PSMA6: variants seen among roughly 807,000 people sequenced by gnomAD.
PSMA6 encodes proteasome subunit alpha type-6.
For synonymous variants in PSMA6, 88 were observed against 97.7 expected (o/e 0.90, Z 0.59); for missense variants, 170 against 294.8 (o/e 0.58, Z 3.10).
At chr14:35,288,446 C>T (rs534656301), upstream of PSMA6, among the ~76,000 whole-genome samples, 14 of 152,242 alleles carry the variant, frequency 9.2e-5, no homozygotes, top group South Asian at 1.4e-3. Context: ...TGCAATGAGC[C>T]GAGATCGTGC....
intron 1 of PSMA6, among the ~76,000 whole-genome samples, chr14:35,294,825 CTGTT>C (rs893803303): frequency 2.6e-5 from 4 of 151,858 alleles, no homozygotes; most frequent in African/African-American, 9.7e-5. Flanking sequence ...TAAATACTGT[CTGTT>C]TGTAAACTTT....
intron 3 of PSMA6, 68 bp from the exon 4 acceptor site, chr14:35,310,672 A>C: frequency 6.5e-7 from 1 of 1,549,270 alleles, no homozygotes; most frequent in Non-Finnish European, 8.8e-7. Flanking sequence ...TTGCCTGGCT[A>C]AATTGCCTGG....
At chr14:35,298,543 A>G (rs1246866720) in intron 1 of PSMA6, among the ~76,000 whole-genome samples, 3 of 152,086 alleles carry the variant, frequency 2.0e-5, no homozygotes, top group Non-Finnish European at 2.9e-5. Flanking sequence ...TTCTTGCATA[A>G]TCTTGGACAT....
intron 1 of PSMA6, among the ~76,000 whole-genome samples, chr14:35,282,389 C>A (rs922893290): frequency 6.6e-6 from 1 of 151,780 alleles, no homozygotes; most frequent in African/African-American, 2.4e-5. Flanking sequence ...CGCACTCTAC[C>A]ACCCCCAGAT....
intron 1 of PSMA6, among the ~76,000 whole-genome samples, chr14:35,281,340 C>A (rs755595716): frequency 2.0e-5 from 3 of 152,158 alleles, no homozygotes. Context: ...CCTTTGCAGT[C>A]TTAACTCTGC....
At chr14:35,290,768 A>G (rs17103169), upstream of PSMA6, among the ~76,000 whole-genome samples, 3,870 of 152,218 alleles carry the variant, frequency 0.025, 170 homozygotes, top group African/African-American at 0.086. Context: ...TGCATTTTGT[A>G]TTCATTAAAT....
chr14:35,281,353 A>T (rs2051364549), intron 1 of PSMA6, among the ~76,000 whole-genome samples: 1 of 152,156 alleles, frequency 6.6e-6, no homozygotes, highest in Admixed American at 6.5e-5. Context: ...AACTCTGCAA[A>T]GGTAAGTTGC....
chr14:35,297,582 G>A (rs1272238023), intron 1 of PSMA6, among the ~76,000 whole-genome samples: 1 of 151,958 alleles, frequency 6.6e-6, no homozygotes, highest in African/African-American at 2.4e-5. Context: ...CGTTTATATG[G>A]GAGAAAATCA....
At chr14:35,307,809 G>A (rs982203178) in intron 1 of PSMA6, among the ~76,000 whole-genome samples, 185 bp from the exon 2 acceptor site, 2 of 152,172 alleles carry the variant, frequency 1.3e-5, no homozygotes, top group African/African-American at 4.8e-5. Context: ...GAAAATGGAA[G>A]AAATGGAGTT....
At position 35,286,993 on chromosome 14, in the gene PSMA6, T is replaced by C. The variant is rs554878142; in HGVS notation, c.19+8275T>C. On this transcript the variant is annotated intron_variant, in intron 1 of 6. Transcript: ENST00000540871. ...ACAGAAGTCACACCCCAAACCACATTTGGTGCTCCATTTGTCCGTTTCCTT... is the reference window on the plus strand; with the variant it reads ...ACAGAAGTCACACCCCAAACCACATCTGGTGCTCCATTTGTCCGTTTCCTT... Among the ~76,000 whole-genome samples the C allele has an allele frequency of 4.0e-4, 61 of 152,214 alleles. No homozygotes were observed. The Middle Eastern group carries it at 0.01, about 25-fold the overall frequency.
At chr14:35,317,205 A>T (rs770814596) in intron 6 of PSMA6, 44 bp from the exon 7 acceptor site, 1 of 1,555,632 alleles carries the variant, frequency 6.4e-7, no homozygotes, top group South Asian at 1.1e-5. Flanking sequence ...TGTTTGAAAA[A>T]ATTTTTTTTA....
At chr14:35,294,369 C>A (rs754463589) in intron 1 of PSMA6, among the ~76,000 whole-genome samples, 1 of 152,218 alleles carries the variant, frequency 6.6e-6, no homozygotes, top group African/African-American at 2.4e-5. Flanking sequence ...GTGAATAACA[C>A]ACTCCCTCTG....
At chr14:35,312,443 C>T (rs2051961285) in intron 4 of PSMA6, among the ~76,000 whole-genome samples, 1 of 140,796 alleles carries the variant, frequency 7.1e-6, no homozygotes, top group South Asian at 2.2e-4. Flanking sequence ...GGAGGAGGAG[C>T]TTGCAGTGAG....
intron 1 of PSMA6, among the ~76,000 whole-genome samples, chr14:35,286,090 G>A (rs876996): frequency 0.14 from 21,840 of 152,124 alleles, 2,939 homozygotes; most frequent in African/African-American, 0.34. Flanking sequence ...TAATTTCACC[G>A]TAGTGGACTT....
At chr14:35,299,480 C>A (rs1214896850) in intron 1 of PSMA6, among the ~76,000 whole-genome samples, 3 of 151,754 alleles carry the variant, frequency 2.0e-5, no homozygotes, top group Non-Finnish European at 2.9e-5. Context: ...TGCCACCACA[C>A]CTGGCTAATT....
At chr14:35,278,859 C>A (rs12323542) in intron 1 of PSMA6, 29,842 of 857,140 alleles carry the variant, frequency 0.035, 760 homozygotes, top group African/African-American at 0.098. Context: ...TCCTGTGTTC[C>A]ATGGCTGAGC....
intron 1 of PSMA6, among the ~76,000 whole-genome samples, chr14:35,284,695 T>C (rs534005909): frequency 1.0e-3 from 154 of 152,324 alleles, no homozygotes; most frequent in African/African-American, 3.6e-3. Context: ...CCTTGGTCTT[T>C]TGTGTGTGAG....
intron 6 of PSMA6, 32 bp from the exon 7 acceptor site, chr14:35,317,217 A>G: frequency 5.0e-6 from 8 of 1,597,744 alleles, no homozygotes; most frequent in Non-Finnish European, 6.9e-6. Context: ...TTTTTTTTAA[A>G]TCGTTGTTTT....
intron 4 of PSMA6, among the ~76,000 whole-genome samples, chr14:35,312,461 C>T (rs1265504241): frequency 2.2e-5 from 3 of 139,012 alleles, no homozygotes; most frequent in Non-Finnish European, 3.0e-5. Context: ...GAGCCGAGAT[C>T]GTGCCACTGC....
Sources: allele counts gnomAD v4.1 joint callset (sites outside exome capture counted in the v4.1 genomes callset), GRCh38; gene constraint gnomAD v4.1.1; transcripts MANE v1.5; gene names NCBI Gene and HGNC (gene_info 2026-07-23, HGNC 2026-07-21).